Variants in MDFIC2 observed in about 807,000 individuals in gnomAD.
The protein encoded by MDFIC2 is MyoD family inhibitor domain containing 2, also known as myoD family inhibitor domain-containing protein 2.
At chr3:70,291,405 G>A (rs764052206) in intron 2 of MDFIC2, among the ~76,000 whole-genome samples, 8 of 151,934 alleles carry the variant, frequency 5.3e-5, no homozygotes, top group South Asian at 2.1e-4. Flanking sequence ...CAAATATATC[G>A]TATTACTAAT....
At chr3:70,205,067 A>G (rs1701277875) in intron 3 of MDFIC2, 1 of 152,138 alleles carries the variant, frequency 6.6e-6, no homozygotes, top group South Asian at 2.1e-4. Context: ...TCTGATAGCT[A>G]CAGGTCAAAG....
At chr3:70,255,318 A>C (rs1476824189) in intron 2 of MDFIC2, among the ~76,000 whole-genome samples, 2 of 152,234 alleles carry the variant, frequency 1.3e-5, no homozygotes, top group Non-Finnish European at 2.9e-5. Context: ...TTTTATAGTC[A>C]GTAAAAGTGC....
intron 2 of MDFIC2, among the ~76,000 whole-genome samples, chr3:70,266,152 A>G (rs1701915566): frequency 6.6e-6 from 1 of 152,184 alleles, no homozygotes; most frequent in Non-Finnish European, 1.5e-5. Context: ...AGTAGCCTTA[A>G]GCAGAATGTT....
chr3:70,255,254 G>A (rs1005357358), intron 2 of MDFIC2, among the ~76,000 whole-genome samples: 2 of 152,086 alleles, frequency 1.3e-5, no homozygotes, highest in African/African-American at 2.4e-5. Flanking sequence ...GTGGACCAAT[G>A]ACACATAAAT....
chr3:70,295,277 C>T (rs980641114), intron 2 of MDFIC2, among the ~76,000 whole-genome samples: 5 of 152,128 alleles, frequency 3.3e-5, no homozygotes, highest in African/African-American at 4.8e-5. Context: ...TTATTTATAG[C>T]TTTGGAAACT....
At chr3:70,304,428 T>G (rs1319366800) in intron 2 of MDFIC2, among the ~76,000 whole-genome samples, 1 of 152,212 alleles carries the variant, frequency 6.6e-6, no homozygotes, top group African/African-American at 2.4e-5. Flanking sequence ...TGGGGATACC[T>G]CAGAGGCATT....
intron 2 of MDFIC2, among the ~76,000 whole-genome samples, chr3:70,274,091 G>GTA (rs1701999484): frequency 8.4e-6 from 1 of 119,596 alleles, no homozygotes; most frequent in African/African-American, 3.1e-5. Flanking sequence ...GTGTGTGTGT[G>GTA]CGCGCGCGCA....
intron 2 of MDFIC2, among the ~76,000 whole-genome samples, chr3:70,260,741 T>G (rs1373031440): frequency 6.6e-6 from 1 of 151,942 alleles, no homozygotes; most frequent in Non-Finnish European, 1.5e-5. Flanking sequence ...ACTTTCAGAT[T>G]TAGGGATGGT....
intron 2 of MDFIC2, among the ~76,000 whole-genome samples, chr3:70,213,526 G>A (rs1252605690): frequency 1.3e-5 from 2 of 152,006 alleles, no homozygotes; most frequent in Non-Finnish European, 2.9e-5. Flanking sequence ...GTAGTTATCC[G>A]TGGCTGAAAT....
At chr3:70,308,364 A>G (rs1702422980) in intron 2 of MDFIC2, among the ~76,000 whole-genome samples, 1 of 152,154 alleles carries the variant, frequency 6.6e-6, no homozygotes, top group African/African-American at 2.4e-5. Context: ...GCAATGCTGC[A>G]TATTTTTAAA....
rs1246340343 is a variant in MDFIC2, at chr3:70,197,272, T to C, written c.311-87A>G. The C allele has an allele frequency of 4.8e-5, 19 of 397,526 alleles. No individual in the cohort carries two copies. The Admixed American group carries it at 8.4e-4, about 18-fold the overall frequency. 24.6% of individuals were successfully genotyped at this position (397,526 alleles called of 1,614,324 possible). Reference sequence around the variant, plus strand: ...ATGTGTGCTGGGATACTTGATAACTTGATAGCCAACTCTTAATTATTTATC... The same window carrying C: ...ATGTGTGCTGGGATACTTGATAACTCGATAGCCAACTCTTAATTATTTATC... On this transcript the variant is annotated intron_variant, in intron 3 of 3. Coordinates refer to ENST00000567252, the MANE Select transcript of MDFIC2 (RefSeq NM_001364677.1).
intron 2 of MDFIC2, among the ~76,000 whole-genome samples, chr3:70,290,657 G>A (rs900718775): frequency 1.3e-5 from 2 of 152,160 alleles, no homozygotes; most frequent in African/African-American, 4.8e-5. Context: ...CCCTCCCCTA[G>A]CCTCGCTGCC....
intron 2 of MDFIC2, among the ~76,000 whole-genome samples, chr3:70,309,043 C>A (rs1222722598): frequency 2.0e-5 from 3 of 152,108 alleles, no homozygotes; most frequent in East Asian, 3.9e-4. Flanking sequence ...CTTTTTTGAA[C>A]AACTGAAAGT....
intron 2 of MDFIC2, among the ~76,000 whole-genome samples, chr3:70,235,739 A>T (rs1484970558): frequency 6.6e-6 from 1 of 152,236 alleles, no homozygotes; most frequent in East Asian, 1.9e-4. Context: ...GGCCATTGAT[A>T]ATTTATTGCT....
Position 70,310,597 on chromosome 3 carries a change from C to T in MDFIC2, c.88+1289G>A, listed in dbSNP as rs563038088. 5.5e-3 allele frequency among the ~76,000 whole-genome samples: 841 copies of T among 152,006 alleles called. 9 individuals are homozygous for T. The highest frequency in any genetic ancestry group is 9.8e-3 in the Non-Finnish European group (665 of 67,986). On this transcript the variant is annotated intron_variant, in intron 2 of 3. Coordinates refer to ENST00000567252, the MANE Select transcript of MDFIC2 (RefSeq NM_001364677.1). ...GCCAGGCTGGTCTTGATCTCCTGAC[C>T]GCAAGTGATCCACCCGCCTCGGCCT...
intron 2 of MDFIC2, among the ~76,000 whole-genome samples, chr3:70,287,780 G>T (rs1190464902): frequency 6.6e-6 from 1 of 151,082 alleles, no homozygotes; most frequent in African/African-American, 2.4e-5. Flanking sequence ...TCCTGGTTTA[G>T]TCTTGGGAGA....
At chr3:70,304,577 C>T (rs1257471952) in intron 2 of MDFIC2, among the ~76,000 whole-genome samples, 1 of 152,180 alleles carries the variant, frequency 6.6e-6, no homozygotes, top group Non-Finnish European at 1.5e-5. Flanking sequence ...CTTTGTATCA[C>T]CCCACACTAA....
chr3:70,283,403 G>A (rs1356050332), intron 2 of MDFIC2, among the ~76,000 whole-genome samples: 1 of 152,062 alleles, frequency 6.6e-6, no homozygotes, highest in Non-Finnish European at 1.5e-5. Flanking sequence ...TCAGGCTGAC[G>A]AATACTGAAA....
intron 3 of MDFIC2, among the ~76,000 whole-genome samples, chr3:70,206,172 A>G (rs1701289190): frequency 6.6e-6 from 1 of 152,116 alleles, no homozygotes; most frequent in East Asian, 1.9e-4. Context: ...TATGCTGTCT[A>G]TATTTATATA....
Sources: gnomAD v4.1 joint callset for allele counts (sites outside exome capture counted in the v4.1 genomes callset) on GRCh38, gnomAD v4.1.1 for gene constraint, MANE v1.5 for transcripts, NCBI Gene and HGNC (gene_info 2026-07-23, HGNC 2026-07-21) for gene names.